The following RHAG variants were observed in gnomAD, a reference collection of about 807,000 sequenced individuals.
RHAG encodes the protein ammonium transporter Rh type A.
A neutral mutation model predicts 42.4 loss-of-function variants in RHAG; 25 were observed. That is an observed-to-expected ratio of 0.59 (90% confidence interval 0.43 to 0.82). The LOEUF (loss-of-function observed/expected upper bound fraction) is 0.82, where lower values mean the gene tolerates loss of function less well. Among genes scored for constraint, RHAG ranks in the 40% least tolerant of loss-of-function variants. The probability of loss-of-function intolerance (pLI) is 0.00; values close to 1 mark genes in which losing one functional copy is unlikely to be tolerated. For synonymous variants in RHAG, 182 were observed against 177.7 expected (o/e 1.02, Z -0.19); for missense variants, 483 against 504.6 (o/e 0.96, Z 0.41).
At position 49,619,240 on chromosome 6, in the gene RHAG, C is replaced by T. The variant is rs1682480215; in HGVS notation, c.280G>A (p.Gly94Ser). The T allele has an allele frequency of 1.2e-6, 2 of 1,614,036 alleles. No homozygotes were observed. The highest frequency in any genetic ancestry group is 4.5e-5 in the East Asian group (2 of 44,870). Residue 94 changes from glycine to serine, a missense_variant, in exon 2 of 10, where the codon GGC (glycine) becomes AGC (serine). By Grantham distance (56) the Gly-to-Ser change is moderately conservative. Coordinates refer to ENST00000371175, the MANE Select transcript of RHAG (RefSeq NM_000324.3). ...TGCAGGATTCCCTGTACAATAGTGC[C>T]CCACTGGAGGCCCAAAGCAGCAACG... The part of the protein sequence containing the change: ...LLVAALGLQW[G>S]TIVQGILQSQ...
Position 49,636,618 on chromosome 6 carries a change from C to T in RHAG, c.157+38G>A, listed in dbSNP as rs117229095. On this transcript the variant is annotated intron_variant, in intron 1 of 9. Transcript: ENST00000371175. ...TTTTACATTCTGAGAAACCGAAGAACCGAAAAATGTATAGTAAGTAGTAAA... is the reference window on the plus strand; with the variant it reads ...TTTTACATTCTGAGAAACCGAAGAATCGAAAAATGTATAGTAAGTAGTAAA... 3.7e-4 allele frequency: 592 copies of T among 1,609,118 alleles called. 2 individuals carry two copies. The East Asian group carries it at 0.012, about 33-fold the overall frequency.
chr6:49,618,095 A>T lies in RHAG; in HGVS notation c.465T>A (p.Asn155Lys). Residue 155 changes from asparagine to lysine, a missense_variant, in exon 3 of 10, where the codon AAT (asparagine) becomes AAA (lysine). Asn to Lys is a moderately conservative substitution (Grantham distance 94). Coordinates refer to ENST00000371175, the MANE Select transcript of RHAG (RefSeq NM_000324.3). ...TAAATATTTCACTAACCAGGTATTC[A>T]TTGTGGGCAAAGAAAACAATTTCTA... ...TILEIVFFAH[N>K]EYLVSEIFKA... The T allele has an allele frequency of 1.9e-6, 3 of 1,613,996 alleles. No homozygotes were observed. Among genetic ancestry groups the T allele is most frequent in the Non-Finnish European group, 2.5e-6 (3 of 1,179,876 alleles).
intron 8 of RHAG, 55 bp downstream of exon 8, chr6:49,607,095 T>C: frequency 7.6e-6 from 11 of 1,442,356 alleles, no homozygotes; most frequent in Non-Finnish European, 8.8e-6. Flanking sequence ...TAATTATCTA[T>C]TGTAAATAAT....
intron 6 of RHAG, 27 bp downstream of exon 6, chr6:49,612,370 T>C (rs1288629999): frequency 1.2e-6 from 2 of 1,612,806 alleles, no homozygotes; most frequent in Admixed American, 3.3e-5. Flanking sequence ...GATTCAGAGT[T>C]TGACTCAGAA....
chr6:49,614,839 A>G lies in RHAG; in HGVS notation c.655T>C (p.Trp219Arg). ...LFAMIGTLFL[W>R]MFWPSFNSAI... The stretch of plus-strand genomic sequence containing the variant: ...GAGTTAAAGCTGGGCCAAAACATCC[A>G]CAGAAAGAGAGTCCCTGTAGTGAAC... The change falls in exon 5 of 10, where the codon TGG becomes CGG. Residue 219 changes from tryptophan (W) to arginine (R), a missense_variant. By Grantham distance (101) the Trp-to-Arg change is moderately radical. Coordinates refer to ENST00000371175, the MANE Select transcript of RHAG (RefSeq NM_000324.3). 6.2e-7 allele frequency: 1 copy of G among 1,614,204 alleles called. No homozygotes were observed. The highest frequency in any genetic ancestry group is 2.2e-5 in the East Asian group (1 of 44,884).
chr6:49,635,076 ATTG>A (rs1417887038), intron 1 of RHAG, among the ~76,000 whole-genome samples: 2 of 150,690 alleles, frequency 1.3e-5, no homozygotes, highest in Non-Finnish European at 2.9e-5. Flanking sequence ...TCCATACGGT[ATTG>A]TTAACTATCA....
At position 49,618,112 on chromosome 6, in the gene RHAG, C is replaced by T; in HGVS notation, c.448G>A (p.Val150Ile). 1.2e-6 allele frequency: 2 copies of T among 1,614,026 alleles called. No individual in the cohort carries two copies. Among genetic ancestry groups the T allele is most frequent in the Non-Finnish European group, 1.7e-6 (2 of 1,179,952 alleles). ...AGGTATTCATTGTGGGCAAAGAAAA[C>T]AATTTCTAAAATTGTCATGATCAGC... ...QMLIMTILEI[V>I]FFAHNEYLVS... The change falls in exon 3 of 10, where the codon GTT becomes ATT. Residue 150 changes from valine to isoleucine, a missense_variant. Coordinates refer to ENST00000371175, the MANE Select transcript of RHAG (RefSeq NM_000324.3).
chr6:49,619,082 AG>A, intron 2 of RHAG, 96 bp downstream of exon 2: 5 of 1,375,492 alleles, frequency 3.6e-6, no homozygotes, highest in Non-Finnish European at 5.1e-6. Context: ...TCACCTCCCC[AG>A]TCCCCCACCT....
At chr6:49,632,719 A>G (rs1332666915) in intron 1 of RHAG, among the ~76,000 whole-genome samples, 3 of 152,196 alleles carry the variant, frequency 2.0e-5, no homozygotes, top group African/African-American at 7.2e-5. Flanking sequence ...AATCATTAAT[A>G]TGATTTTAAT....
intron 1 of RHAG, among the ~76,000 whole-genome samples, chr6:49,635,470 T>G (rs1762996865): frequency 6.6e-6 from 1 of 152,154 alleles, no homozygotes; most frequent in South Asian, 2.1e-4. Context: ...ATGTACTAAA[T>G]GAATAAATGG....
Position 49,605,668 on chromosome 6 carries a change from G to T in RHAG, c.*145C>A. Reference sequence around the variant, plus strand: ...TGGGACTTAGGATCTATTCACTCTGGTCCATACTCTCTTTGGTTACTCCCT... The same window carrying T: ...TGGGACTTAGGATCTATTCACTCTGTTCCATACTCTCTTTGGTTACTCCCT... On this transcript the variant is annotated 3_prime_UTR_variant, in exon 10 of 10. Coordinates refer to ENST00000371175, the MANE Select transcript of RHAG (RefSeq NM_000324.3). 1 of 795,988 alleles carries T rather than the reference G, an allele frequency of 1.3e-6. No homozygotes were observed. The highest frequency in any genetic ancestry group is 2.2e-4 in the Middle Eastern group (1 of 4,466). The allele number at this position is 795,988 out of a possible 1,614,324, so 49.3% of individuals were successfully genotyped here.
At position 49,614,825 on chromosome 6, in the gene RHAG, G is replaced by T. The variant is rs1762627596; in HGVS notation, c.669C>A (p.Pro223=). The T allele has an allele frequency of 3.7e-6, 6 of 1,614,050 alleles. No homozygotes were observed. Among genetic ancestry groups the T allele is most frequent in the African/African-American group, 1.3e-5 (1 of 74,928 alleles). The change falls in exon 5 of 10, where the codon CCC becomes CCA. Residue 223 remains proline, a synonymous_variant. Transcript: ENST00000371175. ...IGTLFLWMFW[P]SFNSAIAEPG... ...GTTCAGCAATGGCCGAGTTAAAGCT[G>T]GGCCAAAACATCCACAGAAAGAGAG...
chr6:49,619,651 T>C (rs1292944786), intron 1 of RHAG, among the ~76,000 whole-genome samples: 1 of 152,216 alleles, frequency 6.6e-6, no homozygotes, highest in African/African-American at 2.4e-5. Flanking sequence ...GTTTTCCACC[T>C]GAGGACAGAC....
At chr6:49,622,106 C>A (rs1762768082) in intron 1 of RHAG, among the ~76,000 whole-genome samples, 1 of 151,858 alleles carries the variant, frequency 6.6e-6, no homozygotes, top group Non-Finnish European at 1.5e-5. Context: ...TTGTAGCTCC[C>A]ATAATTCCCA....
chr6:49,609,099 A>C (rs985227843), intron 7 of RHAG, among the ~76,000 whole-genome samples: 2 of 152,134 alleles, frequency 1.3e-5, no homozygotes, highest in Admixed American at 1.3e-4. Flanking sequence ...CTTACCAAAA[A>C]CCTAATTTGC....
At chr6:49,629,343 C>G (rs1299408857) in intron 1 of RHAG, among the ~76,000 whole-genome samples, 1 of 152,024 alleles carries the variant, frequency 6.6e-6, no homozygotes, top group African/African-American at 2.4e-5. Context: ...ACTCACAAAC[C>G]CTGAGCTAGA....
At chr6:49,630,708 T>TTG (rs150228621) in intron 1 of RHAG, among the ~76,000 whole-genome samples, 2 of 151,950 alleles carry the variant, frequency 1.3e-5, no homozygotes, top group African/African-American at 2.4e-5. Context: ...CTTTCTGTGT[T>TTG]TGTGTGTGTG....
At chr6:49,624,817 T>C (rs139968565) in intron 1 of RHAG, among the ~76,000 whole-genome samples, 11 of 152,344 alleles carry the variant, frequency 7.2e-5, no homozygotes, top group African/African-American at 2.6e-4. Context: ...TTAAGGACTA[T>C]CACATGTAGG....
chr6:49,625,832 G>GC (rs1762834522), intron 1 of RHAG, among the ~76,000 whole-genome samples: 1 of 152,140 alleles, frequency 6.6e-6, no homozygotes, highest in African/African-American at 2.4e-5. Flanking sequence ...GTTCCACAAG[G>GC]CTGGGGAGGC....
Sources: allele counts gnomAD v4.1 joint callset (sites outside exome capture counted in the v4.1 genomes callset), GRCh38; gene constraint gnomAD v4.1.1; transcripts MANE v1.5; gene names NCBI Gene and HGNC (gene_info 2026-07-23, HGNC 2026-07-21).